The following EPB41L4A variants were observed in gnomAD, a reference collection of about 807,000 sequenced individuals.
EPB41L4A encodes the protein erythrocyte membrane protein band 4.1 like 4A.
Under a neutral mutation model 108.6 loss-of-function variants are expected in EPB41L4A, and 100 were observed. The observed-to-expected ratio is 0.92, with a 90% CI of 0.78 to 1.09. EPB41L4A has a LOEUF of 1.09. Among genes scored for constraint, EPB41L4A ranks in the 50% least tolerant of loss-of-function variants. EPB41L4A has a pLI of 0.00. For missense variants in EPB41L4A, 1,030 were observed against 842.7 expected (o/e 1.22, Z -2.75); for synonymous variants, 319 against 289.0 (o/e 1.10, Z -1.05).
At chr5:112,305,440 G>C (rs1175052385) in intron 2 of EPB41L4A, among the ~76,000 whole-genome samples, 1 of 152,058 alleles carries the variant, frequency 6.6e-6, no homozygotes, top group African/African-American at 2.4e-5. Flanking sequence ...TGGTTTTTAA[G>C]ACAAATGCTT....
chr5:112,257,289 A>T (rs982907157), intron 9 of EPB41L4A: 19 of 151,646 alleles, frequency 1.3e-4, no homozygotes, highest in African/African-American at 4.1e-4. Context: ...TAACAGCAAT[A>T]AAAAAAAACC....
chr5:112,145,497 T>C (rs1037760059), intron 13 of EPB41L4A, among the ~76,000 whole-genome samples: 3 of 152,238 alleles, frequency 2.0e-5, no homozygotes, highest in East Asian at 3.8e-4. Flanking sequence ...ACAGCCATTG[T>C]ACACAACTGA....
intron 1 of EPB41L4A, among the ~76,000 whole-genome samples, chr5:112,412,999 G>A (rs993798820): frequency 6.6e-6 from 1 of 152,194 alleles, no homozygotes; most frequent in Non-Finnish European, 1.5e-5. Context: ...GATTCAGCAA[G>A]ATTAAAAATT....
At position 112,165,160 on chromosome 5, in the gene EPB41L4A, C is replaced by T. The variant is rs746179708; in HGVS notation, c.1933-42G>A. 2.7e-6 allele frequency: 4 copies of T among 1,482,628 alleles called. No homozygotes were observed. In the African/African-American group the frequency reaches 4.2e-5, roughly 16 times the overall value. 91.8% of individuals were successfully genotyped at this position (1,482,628 alleles called of 1,614,324 possible). ...AAATGTAGAAAGATTCAGAAGAAAACAGCCAAATGAAGTATTTTAATTACA... is the reference window on the plus strand; with the variant it reads ...AAATGTAGAAAGATTCAGAAGAAAATAGCCAAATGAAGTATTTTAATTACA... On this transcript the variant is annotated intron_variant, in intron 22 of 22. Coordinates refer to ENST00000261486, the MANE Select transcript of EPB41L4A (RefSeq NM_022140.5).
intron 3 of EPB41L4A, among the ~76,000 whole-genome samples, chr5:112,279,317 C>T (rs1373940400): frequency 1.3e-5 from 2 of 152,122 alleles, no homozygotes; most frequent in Non-Finnish European, 2.9e-5. Context: ...ATCCATGGAG[C>T]ATCGCACAAC....
Position 112,342,828 on chromosome 5 carries a change from T to C in EPB41L4A, c.100-35338A>G, listed in dbSNP as rs116539292. On this transcript the variant is annotated intron_variant, in intron 1 of 22. Coordinates refer to ENST00000261486, the MANE Select transcript of EPB41L4A (RefSeq NM_022140.5). Reference sequence around the variant, plus strand: ...ACAGATACACACGTTTTGTAGTAAATTGCTACACTTCTGAGGCATTCACTC... The same window carrying C: ...ACAGATACACACGTTTTGTAGTAAACTGCTACACTTCTGAGGCATTCACTC... Among the ~76,000 whole-genome samples, 1,422 of 152,194 alleles carry C rather than the reference T, an allele frequency of 9.3e-3. 27 individuals carry two copies. Among genetic ancestry groups the C allele is most frequent in the African/African-American group, 0.033 (1,359 of 41,526 alleles).
chr5:112,346,250 G>T, intron 1 of EPB41L4A, among the ~76,000 whole-genome samples: 1 of 34,366 alleles, frequency 2.9e-5, no homozygotes, highest in African/African-American at 4.9e-5. Flanking sequence ...TTTTGAGAAG[G>T]AGTCTCGCTC....
At chr5:112,211,234 C>T (rs981380605) in intron 12 of EPB41L4A, among the ~76,000 whole-genome samples, 4 of 152,154 alleles carry the variant, frequency 2.6e-5, no homozygotes, top group Non-Finnish European at 4.4e-5. Context: ...TGTGGCCCCA[C>T]AAGCAGCTCA....
intron 12 of EPB41L4A, among the ~76,000 whole-genome samples, chr5:112,234,133 A>G (rs1297039838): frequency 6.6e-6 from 1 of 151,802 alleles, no homozygotes; most frequent in Non-Finnish European, 1.5e-5. Flanking sequence ...AGCCTGGGCA[A>G]CATAGTGAGA....
chr5:112,163,037 C>G lies in EPB41L4A; in HGVS notation c.*1953G>C, dbSNP rs1416870717. 1 of 152,128 alleles carries G rather than the reference C, an allele frequency of 6.6e-6. No homozygotes were observed. Among genetic ancestry groups the G allele is most frequent in the Non-Finnish European group, 1.5e-5 (1 of 68,036 alleles). The allele number at this position is 152,128 out of a possible 1,614,324, so 9.4% of individuals were successfully genotyped here. A position where few individuals can be genotyped will look rare whatever the true frequency, so the allele number is the denominator to read the frequency against. ...AGGCTGAAGAGGTAGGTAAAGAAGC[C>G]AGACCACTTCAGGCTCCCTCTGGCT... On this transcript the variant is annotated 3_prime_UTR_variant, in exon 23 of 23. Coordinates refer to ENST00000261486, the MANE Select transcript of EPB41L4A (RefSeq NM_022140.5).
chr5:112,295,811 C>A (rs1417714344), intron 2 of EPB41L4A, among the ~76,000 whole-genome samples: 1 of 152,112 alleles, frequency 6.6e-6, no homozygotes, highest in Admixed American at 6.6e-5. Flanking sequence ...TAGGGCAGCA[C>A]CAGGAGTGAT....
chr5:112,380,860 T>C (rs752943826), intron 1 of EPB41L4A, among the ~76,000 whole-genome samples: 1 of 151,390 alleles, frequency 6.6e-6, no homozygotes, highest in Non-Finnish European at 1.5e-5. Flanking sequence ...GAGCAGCACA[T>C]ATCTCAGTCA....
chr5:112,313,858 C>CTTTTTTTTTTTTTTTTTTTTTTTTT (rs1188991050), intron 1 of EPB41L4A, among the ~76,000 whole-genome samples: 1 of 89,480 alleles, frequency 1.1e-5, no homozygotes, highest in Non-Finnish European at 2.1e-5. Context: ...AGGTAACTTT[C>CTTTTTTTTTTTTTTTTTTTTTTTTT]TTTTTTTTTT....
chr5:112,209,496 G>T (rs1021796461), intron 13 of EPB41L4A, among the ~76,000 whole-genome samples: 11 of 152,172 alleles, frequency 7.2e-5, no homozygotes, highest in Non-Finnish European at 1.6e-4. Context: ...TCTTTCCAGG[G>T]CTACAGTTCA....
At chr5:112,275,717 A>C (rs1441610040) in intron 3 of EPB41L4A, among the ~76,000 whole-genome samples, 1 of 149,556 alleles carries the variant, frequency 6.7e-6, no homozygotes, top group African/African-American at 2.5e-5. Flanking sequence ...ATAGTGAAGA[A>C]AGAAAAAAAA....
chr5:112,185,526 G>A, intron 17 of EPB41L4A, among the ~76,000 whole-genome samples: 1 of 152,180 alleles, frequency 6.6e-6, no homozygotes, highest in East Asian at 1.9e-4. Flanking sequence ...GAAGAATTGT[G>A]CTAAGTAAAA....
intron 1 of EPB41L4A, among the ~76,000 whole-genome samples, chr5:112,317,105 C>A (rs985202518): frequency 6.6e-6 from 1 of 152,328 alleles, no homozygotes; most frequent in Admixed American, 6.5e-5. Context: ...GGAGGAATGA[C>A]ATGAACATAT....
intron 9 of EPB41L4A, among the ~76,000 whole-genome samples, chr5:112,247,140 T>C (rs1021952171): frequency 6.6e-6 from 1 of 152,170 alleles, no homozygotes; most frequent in Non-Finnish European, 1.5e-5. Context: ...CACATGATTG[T>C]ATAACATGCA....
At chr5:112,255,632 C>A (rs199784505) in intron 9 of EPB41L4A, among the ~76,000 whole-genome samples, 1 of 152,206 alleles carries the variant, frequency 6.6e-6, no homozygotes, top group East Asian at 1.9e-4. Flanking sequence ...CTGGATGATT[C>A]TTTTCAGCCT....
Sources: allele counts gnomAD v4.1 joint callset (sites outside exome capture counted in the v4.1 genomes callset), GRCh38; gene constraint gnomAD v4.1.1; transcripts MANE v1.5; gene names NCBI Gene and HGNC (gene_info 2026-07-23, HGNC 2026-07-21).